LONP2: variants seen among roughly 807,000 people sequenced by gnomAD.
The protein encoded by LONP2 is lon protease homolog 2, peroxisomal.
In LONP2, 60 loss-of-function variants were observed where a neutral mutation model predicts 85.6. The observed-to-expected ratio is 0.70, with a 90% CI of 0.57 to 0.87. The LOEUF (loss-of-function observed/expected upper bound fraction) is 0.87, where lower values mean the gene tolerates loss of function less well. LONP2 is among the 40% of genes least tolerant of loss of function. The pLI is 0.00. For missense variants in LONP2, 860 were observed against 1,063.5 expected, an observed-to-expected ratio of 0.81 and a Z score of 2.66; for synonymous variants, 395 against 389.7, an observed-to-expected ratio of 1.01 and a Z score of -0.16.
downstream of LONP2, among the ~76,000 whole-genome samples, chr16:48,359,638 C>T (rs994691455): frequency 1.3e-5 from 2 of 152,108 alleles, no homozygotes; most frequent in Admixed American, 1.3e-4. Context: ...ATCGCTTAAA[C>T]CCAGGAGGCC....
rs144016306 is a variant in LONP2, at chr16:48,253,785, A to G, written c.468+1420A>G. Among the ~76,000 whole-genome samples the G allele has an allele frequency of 4.6e-5, 7 of 152,312 alleles. 1 individual carries two copies. Among genetic ancestry groups the G allele is most frequent in the African/African-American group, 1.7e-4 (7 of 41,574 alleles). On this transcript the variant is annotated intron_variant, in intron 2 of 14. Transcript: ENST00000285737. ...TGACATTAAAGGAATTTTTAGAAATAAATAGATCACCACACATCTTACTGT... is the reference window on the plus strand; with the variant it reads ...TGACATTAAAGGAATTTTTAGAAATGAATAGATCACCACACATCTTACTGT...
chr16:48,351,852 A>G lies in LONP2; in HGVS notation c.*50A>G. The G allele has an allele frequency of 6.9e-7, 1 of 1,452,374 alleles. No individual in the cohort carries two copies. The highest frequency in any genetic ancestry group is 9.6e-7 in the Non-Finnish European group (1 of 1,039,114). The allele number at this position is 1,452,374 out of a possible 1,614,324, so 90.0% of individuals were successfully genotyped here. The stretch of plus-strand genomic sequence containing the variant: ...TTTAAGTTATGAAGTGCTCAAAGGT[A>G]CTGACACAGTTGATTTTATTCACAC... On this transcript the variant is annotated 3_prime_UTR_variant, in exon 15 of 15. Transcript: ENST00000285737.
intron 9 of LONP2, among the ~76,000 whole-genome samples, chr16:48,297,625 T>C (rs1972703143): frequency 1.3e-5 from 2 of 152,204 alleles, no homozygotes; most frequent in South Asian, 4.1e-4. Context: ...GTCTTTAGAT[T>C]CTAAATGTAA....
intron 2 of LONP2, among the ~76,000 whole-genome samples, chr16:48,255,714 T>G (rs1971745100): frequency 6.6e-6 from 1 of 152,100 alleles, no homozygotes; most frequent in Non-Finnish European, 1.5e-5. Flanking sequence ...CATACTGTTC[T>G]CTTGGTGGTG....
chr16:48,355,582 T>G lies in LONP2; in HGVS notation c.*3780T>G, dbSNP rs1960312783. 6.6e-6 allele frequency: 1 copy of G among 152,238 alleles called. No individual in the cohort carries two copies. Among genetic ancestry groups the G allele is most frequent in the Non-Finnish European group, 1.5e-5 (1 of 68,040 alleles). The allele number at this position is 152,238 out of a possible 1,614,324, so 9.4% of individuals were successfully genotyped here. On this transcript the variant is annotated 3_prime_UTR_variant, in exon 15 of 15. Transcript: ENST00000285737. ...TAATTCTGTTTAACTTTTTGAGAAC[T>G]GCCAAACTTTTCCACCGCAGCTGCA...
At chr16:48,349,769 TAACA>T (rs1234592193) in intron 14 of LONP2, among the ~76,000 whole-genome samples, 2 of 152,344 alleles carry the variant, frequency 1.3e-5, no homozygotes, top group African/African-American at 4.8e-5. Context: ...AAAGGAGTTC[TAACA>T]AACAGGAAAA....
chr16:48,303,307 T>G lies in LONP2; in HGVS notation c.1795+2T>G. On this transcript the variant is annotated splice_donor_variant, in intron 11 of 14. Transcript: ENST00000285737. LOFTEE classifies it high-confidence loss of function. ...GTTCTGATGTGACTGAGAGAGAAGG[T>G]TGGTGACCTTGTTCTGGCATTCTCA... 6.2e-7 allele frequency: 1 copy of G among 1,611,304 alleles called. No homozygotes were observed. The highest frequency in any genetic ancestry group is 8.5e-7 in the Non-Finnish European group (1 of 1,177,890).
At chr16:48,342,009 A>G (rs1959826619) in intron 12 of LONP2, among the ~76,000 whole-genome samples, 1 of 152,206 alleles carries the variant, frequency 6.6e-6, no homozygotes, top group African/African-American at 2.4e-5. Flanking sequence ...CTGCATGGAA[A>G]GAGTAGGTCA....
At chr16:48,337,655 C>T (rs1959692286) in intron 12 of LONP2, among the ~76,000 whole-genome samples, 1 of 152,186 alleles carries the variant, frequency 6.6e-6, no homozygotes, top group Non-Finnish European at 1.5e-5. Context: ...ACAGGTGGAC[C>T]TGAGCAGGGC....
rs191964686 is a variant in LONP2 at position 48,327,288 on chromosome 16, T to G, written c.1796-6928T>G. 7.2e-5 allele frequency among the ~76,000 whole-genome samples: 11 copies of G among 152,356 alleles called. No homozygotes were observed. In the South Asian group the frequency reaches 8.3e-4, roughly 11 times the overall value. On this transcript the variant is annotated intron_variant, in intron 11 of 14. Coordinates refer to ENST00000285737, the MANE Select transcript of LONP2 (RefSeq NM_031490.5). Reference sequence around the variant, plus strand: ...AGCTGGGATATACCTCTGCATAGATTAAATCAACTAGAAAACACTAGCCCC... The same window carrying G: ...AGCTGGGATATACCTCTGCATAGATGAAATCAACTAGAAAACACTAGCCCC...
Position 48,277,348 on chromosome 16 carries a change from G to A in LONP2, c.1252G>A (p.Val418Ile). Residue 418 changes from valine to isoleucine, a missense_variant, in exon 8 of 15, where the codon GTT becomes ATT. Around this residue, in one of 3 missense-constraint regions of LONP2, gnomAD observed 743 missense variants for 917.3 expected, o/e 0.81. Coordinates refer to ENST00000285737, the MANE Select transcript of LONP2 (RefSeq NM_031490.5). ...SDIRGHRRTY[V>I]GSMPGRIING... ...ACTTGCTTTCTCTAGGCGCACCTAT[G>A]TTGGCAGCATGCCTGGTCGCATCAT... The A allele has an allele frequency of 6.2e-7, 1 of 1,613,440 alleles. No homozygotes were observed. The highest frequency in any genetic ancestry group is 1.1e-5 in the South Asian group (1 of 91,032).
At chr16:48,244,929 C>T (rs1971272612) in intron 1 of LONP2, among the ~76,000 whole-genome samples, 2 of 152,150 alleles carry the variant, frequency 1.3e-5, no homozygotes, top group East Asian at 3.9e-4. Flanking sequence ...CTTCAGCCTC[C>T]TAGGCCAGTG....
At chr16:48,280,391 A>C (rs541581138) in intron 8 of LONP2, among the ~76,000 whole-genome samples, 4 of 152,236 alleles carry the variant, frequency 2.6e-5, no homozygotes, top group Non-Finnish European at 5.9e-5. Context: ...GTAGTAGATG[A>C]TTAAGTCCCC....
At chr16:48,245,601 C>T (rs2150953311) in intron 1 of LONP2, among the ~76,000 whole-genome samples, 1 of 152,212 alleles carries the variant, frequency 6.6e-6, no homozygotes, top group East Asian at 1.9e-4. Context: ...TGTTTTAGCC[C>T]CTCCGTCCCA....
At chr16:48,286,533 C>T (rs916793478) in intron 8 of LONP2, among the ~76,000 whole-genome samples, 5 of 152,044 alleles carry the variant, frequency 3.3e-5, no homozygotes, top group Admixed American at 2.0e-4. Context: ...GACAGGGTCT[C>T]GCTCTGTCAC....
chr16:48,305,261 A>G (rs1420942314), intron 11 of LONP2, among the ~76,000 whole-genome samples: 1 of 151,884 alleles, frequency 6.6e-6, no homozygotes, highest in Non-Finnish European at 1.5e-5. Context: ...TTTTTATTTT[A>G]TTTTACTTTT....
chr16:48,302,086 C>G (rs1026958239), intron 10 of LONP2, among the ~76,000 whole-genome samples: 15 of 152,190 alleles, frequency 9.9e-5, no homozygotes, highest in African/African-American at 3.6e-4. Context: ...ATGACTGTAT[C>G]TCTAGATTCT....
At position 48,355,341 on chromosome 16, in the gene LONP2, C is replaced by CTT. The variant is rs1228821880; in HGVS notation, c.*3543_*3544dup. 6.6e-6 allele frequency: 1 copy of CTT among 152,090 alleles called. No individual in the cohort carries two copies. The highest frequency in any genetic ancestry group is 1.5e-5 in the Non-Finnish European group (1 of 68,018). The allele number at this position is 152,090 out of a possible 1,614,324, so 9.4% of individuals were successfully genotyped here. Reference sequence around the variant, plus strand: ...GGGGCTCAAGGGAACCAATTACCTCCTTTTTGCCCTTCGATTCCCTTCCAC... The same window carrying CTT: ...GGGGCTCAAGGGAACCAATTACCTCCTTTTTTTGCCCTTCGATTCCCTTCCAC... On this transcript the variant is annotated 3_prime_UTR_variant, in exon 15 of 15. Coordinates refer to ENST00000285737, the MANE Select transcript of LONP2 (RefSeq NM_031490.5).
chr16:48,262,170 T>C (rs59382226), intron 5 of LONP2, among the ~76,000 whole-genome samples: 8 of 152,206 alleles, frequency 5.3e-5, no homozygotes, highest in African/African-American at 1.9e-4. Context: ...ACATTTATTA[T>C]GTGCAGAACA....
Sources: gnomAD v4.1 joint callset for allele counts (sites outside exome capture counted in the v4.1 genomes callset) on GRCh38, gnomAD v4.1.1 for gene constraint, gnomAD v4.1.1 regional missense constraint, MANE v1.5 for transcripts, NCBI Gene and HGNC (gene_info 2026-07-23, HGNC 2026-07-21) for gene names.